Variants in MGAT4A observed in about 807,000 individuals in gnomAD.
The protein encoded by MGAT4A is N-acetylglucosaminyltransferase IVa.
Under a neutral mutation model 74.1 loss-of-function variants are expected in MGAT4A, and 33 were observed. That is an observed-to-expected ratio of 0.45 (90% confidence interval 0.34 to 0.60). The LOEUF (loss-of-function observed/expected upper bound fraction) is 0.60, where lower values mean the gene tolerates loss of function less well. MGAT4A is among the 20% of genes least tolerant of loss of function. The pLI is 0.02. For missense variants in MGAT4A, 479 were observed against 628.3 expected (o/e 0.76, Z 2.54); for synonymous variants, 198 against 210.4 (o/e 0.94, Z 0.51).
chr2:98,697,597 G>A (rs959468537), intron 2 of MGAT4A, among the ~76,000 whole-genome samples: 1 of 152,204 alleles, frequency 6.6e-6, no homozygotes, highest in Non-Finnish European at 1.5e-5. Context: ...AACTGTCAGG[G>A]AAAGATGGGT....
chr2:98,723,609 A>G (rs1159411994), intron 2 of MGAT4A, among the ~76,000 whole-genome samples: 3 of 152,272 alleles, frequency 2.0e-5, no homozygotes, highest in African/African-American at 7.2e-5. Context: ...AAACACTGAG[A>G]GGGCCTGAGT....
intron 2 of MGAT4A, among the ~76,000 whole-genome samples, chr2:98,680,302 T>C (rs577894415): frequency 3.3e-4 from 50 of 152,302 alleles, no homozygotes; most frequent in African/African-American, 1.2e-3. Flanking sequence ...CCTCAGCATC[T>C]GAAAGTACTG....
chr2:98,652,910 C>G (rs1337318457), intron 8 of MGAT4A, among the ~76,000 whole-genome samples: 2 of 152,092 alleles, frequency 1.3e-5, no homozygotes, highest in African/African-American at 4.8e-5. Context: ...CAGGTGTGAG[C>G]CAGTGCCGCC....
At chr2:98,730,363 A>T (rs1575288519) in intron 1 of MGAT4A, 1 of 152,076 alleles carries the variant, frequency 6.6e-6, no homozygotes, top group East Asian at 1.9e-4. Context: ...ACCGAGACCC[A>T]GCCTCAGGGT....
At chr2:98,628,012 T>A (rs1215002378) in intron 14 of MGAT4A, among the ~76,000 whole-genome samples, 2 of 152,250 alleles carry the variant, frequency 1.3e-5, no homozygotes, top group African/African-American at 4.8e-5. Context: ...TACATTTTTT[T>A]CAAGCTTTAT....
intron 4 of MGAT4A, among the ~76,000 whole-genome samples, chr2:98,672,418 T>C (rs1701923206): frequency 6.6e-6 from 1 of 152,246 alleles, no homozygotes; most frequent in Admixed American, 6.5e-5. Flanking sequence ...TCATGGACTT[T>C]CATTGCAGCA....
chr2:98,681,747 G>C (rs1004258632), intron 2 of MGAT4A, among the ~76,000 whole-genome samples: 4 of 152,152 alleles, frequency 2.6e-5, no homozygotes, highest in African/African-American at 9.7e-5. Flanking sequence ...CTGGAGCCGA[G>C]TTTGAGACCA....
At chr2:98,650,751 G>A (rs1021495297) in intron 8 of MGAT4A, among the ~76,000 whole-genome samples, 2 of 152,126 alleles carry the variant, frequency 1.3e-5, no homozygotes, top group Non-Finnish European at 2.9e-5. Context: ...AGGAGTTCGC[G>A]ACCAGCCTGA....
chr2:98,623,756 C>T lies in MGAT4A; in HGVS notation c.*1810G>A. On this transcript the variant is annotated 3_prime_UTR_variant, in exon 16 of 16. Coordinates refer to ENST00000393487, the MANE Select transcript of MGAT4A (RefSeq NM_012214.3). ...AAATAATTGTACTGTATCAGTGTTT[C>T]CAAACGTTTGCACTTTGTAACACAG... 1.0e-6 allele frequency: 1 copy of T among 985,370 alleles called. No homozygotes were observed. Among genetic ancestry groups the T allele is most frequent in the Non-Finnish European group, 1.2e-6 (1 of 829,924 alleles). The allele number at this position is 985,370 out of a possible 1,614,324, so 61.0% of individuals were successfully genotyped here.
chr2:98,645,087 G>A (rs1043929546), intron 9 of MGAT4A, among the ~76,000 whole-genome samples: 1 of 152,198 alleles, frequency 6.6e-6, no homozygotes, highest in Non-Finnish European at 1.5e-5. Context: ...GAATTTATAT[G>A]AGAAAACTCT....
In MGAT4A at chr2:98,622,801, C is replaced by T; in HGVS notation, c.*2765G>A. On this transcript the variant is annotated 3_prime_UTR_variant, in exon 16 of 16. Coordinates refer to ENST00000393487, the MANE Select transcript of MGAT4A (RefSeq NM_012214.3). ...CACCATACACACAAACAATCAAAAA[C>T]TAGACAACCGATTGTGTATGCAAGA... 3 of 985,604 alleles carry T rather than the reference C, an allele frequency of 3.0e-6. No individual in the cohort carries two copies. The highest frequency in any genetic ancestry group is 3.6e-6 in the Non-Finnish European group (3 of 830,110). The allele number at this position is 985,604 out of a possible 1,614,324, so 61.1% of individuals were successfully genotyped here. A position where few individuals can be genotyped will look rare whatever the true frequency, so the allele number is the denominator to read the frequency against.
chr2:98,624,693 T>C lies in MGAT4A; in HGVS notation c.*873A>G. ...AGATTAAAAAGGAAAGAAGAGTTTG[T>C]CATTTTACATATCAGAGGAAATATA... On this transcript the variant is annotated 3_prime_UTR_variant, in exon 16 of 16. Coordinates refer to ENST00000393487, the MANE Select transcript of MGAT4A (RefSeq NM_012214.3). 2 of 982,546 alleles carry C rather than the reference T, an allele frequency of 2.0e-6. No homozygotes were observed. The highest frequency in any genetic ancestry group is 2.4e-6 in the Non-Finnish European group (2 of 827,186). 60.9% of individuals were successfully genotyped at this position (982,546 alleles called of 1,614,324 possible).
chr2:98,726,147 T>C (rs1389302010), intron 2 of MGAT4A, 92 bp downstream of exon 2: 5 of 786,882 alleles, frequency 6.4e-6, no homozygotes, highest in East Asian at 5.3e-5. Flanking sequence ...AACATGCAGA[T>C]TGCCAGGGTA....
intron 14 of MGAT4A, among the ~76,000 whole-genome samples, chr2:98,628,704 T>G (rs1170958755): frequency 6.6e-6 from 1 of 152,224 alleles, no homozygotes; most frequent in Non-Finnish European, 1.5e-5. Context: ...ATAACCCACA[T>G]TCTACAGTGT....
Position 98,684,302 on chromosome 2 carries a change from G to A in MGAT4A, c.95-5831C>T, listed in dbSNP as rs576755250. On this transcript the variant is annotated intron_variant, in intron 2 of 15. Coordinates refer to ENST00000393487, the MANE Select transcript of MGAT4A (RefSeq NM_012214.3). ...GAATCATTTCAATCGGTTTGTATGA[G>A]GGGTCATGGTGGGAAACTGAAGGAA... Among the ~76,000 whole-genome samples, 304 of 152,258 alleles carry A rather than the reference G, an allele frequency of 2.0e-3. 3 individuals carry two copies. Among genetic ancestry groups the A allele is most frequent in the Non-Finnish European group, 3.6e-3 (243 of 68,024 alleles).
At position 98,624,113 on chromosome 2, in the gene MGAT4A, C is replaced by A. The variant is rs555903162; in HGVS notation, c.*1453G>T. Reference sequence around the variant, plus strand: ...CTGCCAGCTCTGCCTCCTGGGTTCACGCCATTCTCCTGCCTCAGCCTCCCA... The same window carrying A: ...CTGCCAGCTCTGCCTCCTGGGTTCAAGCCATTCTCCTGCCTCAGCCTCCCA... On this transcript the variant is annotated 3_prime_UTR_variant, in exon 16 of 16. Transcript: ENST00000393487. 4.6e-5 allele frequency: 36 copies of A among 777,160 alleles called. No homozygotes were observed. The highest frequency in any genetic ancestry group is 4.1e-4 in the South Asian group (7 of 17,146). 48.1% of individuals were successfully genotyped at this position (777,160 alleles called of 1,614,324 possible).
intron 2 of MGAT4A, among the ~76,000 whole-genome samples, chr2:98,689,308 C>G (rs1414376473): frequency 6.6e-6 from 1 of 152,064 alleles, no homozygotes; most frequent in Non-Finnish European, 1.5e-5. Context: ...AACTGTAGGA[C>G]AAATCAGAAA....
At chr2:98,633,390 T>TC (rs1193489613) in intron 14 of MGAT4A, among the ~76,000 whole-genome samples, 1 of 151,944 alleles carries the variant, frequency 6.6e-6, no homozygotes, top group Non-Finnish European at 1.5e-5. Flanking sequence ...CCTGGCTCCC[T>TC]CCCCGAGATC....
chr2:98,645,477 A>C lies in MGAT4A; in HGVS notation c.840T>G (p.Leu280=). The C allele has an allele frequency of 1.3e-6, 2 of 1,594,206 alleles. No individual in the cohort carries two copies. Among genetic ancestry groups the C allele is most frequent in the Non-Finnish European group, 1.7e-6 (2 of 1,175,654 alleles). ...CTAGAATCATCCATTCCTCAGAAGAAAGTTGAAGTGCAAAATTTTTTATGG... is the reference window on the plus strand; with the variant it reads ...CTAGAATCATCCATTCCTCAGAAGACAGTTGAAGTGCAAAATTTTTTATGG... ...FNTIKNFALQ[L]SSEEWMILEF... is the part of the protein sequence containing the mutation. Residue 280 remains leucine (L), a synonymous_variant, in exon 9 of 16, where the codon CTT becomes CTG. Coordinates refer to ENST00000393487, the MANE Select transcript of MGAT4A (RefSeq NM_012214.3).
Sources: gnomAD v4.1 joint callset for allele counts (sites outside exome capture counted in the v4.1 genomes callset) on GRCh38, gnomAD v4.1.1 for gene constraint, MANE v1.5 for transcripts, NCBI Gene and HGNC (gene_info 2026-07-23, HGNC 2026-07-21) for gene names.